EXOC4: variants seen among roughly 807,000 people sequenced by gnomAD.
EXOC4 encodes SEC8-like 1.
EXOC4 carries 71 observed loss-of-function variants against 107.2 expected under a neutral mutation model. The observed-to-expected ratio is 0.66, with a 90% CI of 0.55 to 0.81. The LOEUF (loss-of-function observed/expected upper bound fraction) is 0.81, where lower values mean the gene tolerates loss of function less well. Among genes scored for constraint, EXOC4 ranks in the 30% least tolerant of loss-of-function variants. The pLI, the probability that EXOC4 is intolerant of heterozygous loss-of-function variation, is 0.00. For synonymous variants in EXOC4, 456 were observed against 441.2 expected (o/e 1.03, Z -0.42); for missense variants, 1,108 against 1,189.6 (o/e 0.93, Z 1.01).
intron 10 of EXOC4, among the ~76,000 whole-genome samples, chr7:133,746,563 G>A (rs1795681789): frequency 6.6e-6 from 1 of 152,136 alleles, no homozygotes; most frequent in African/African-American, 2.4e-5. Context: ...GCCAGTGAGA[G>A]GAATACGTGT....
At chr7:133,493,918 T>A (rs73148995) in intron 9 of EXOC4, among the ~76,000 whole-genome samples, 10,580 of 152,264 alleles carry the variant, frequency 0.069, 424 homozygotes, top group Middle Eastern at 0.11. Flanking sequence ...AACCATTTGG[T>A]CTGCAGTGGC....
intron 12 of EXOC4, among the ~76,000 whole-genome samples, chr7:133,907,155 C>T (rs1204780541): frequency 2.0e-5 from 3 of 152,174 alleles, no homozygotes; most frequent in Non-Finnish European, 4.4e-5. Context: ...TCTCCTAACA[C>T]TGATATATAT....
chr7:133,362,384 A>G (rs951767344), intron 6 of EXOC4, among the ~76,000 whole-genome samples: 10 of 152,096 alleles, frequency 6.6e-5, no homozygotes, highest in African/African-American at 2.4e-4. Context: ...CTGTCATGTA[A>G]TTGTCCATGT....
chr7:133,922,268 A>G (rs1183484136), intron 13 of EXOC4, among the ~76,000 whole-genome samples: 1 of 152,234 alleles, frequency 6.6e-6, no homozygotes, highest in Admixed American at 6.5e-5. Context: ...AACTTTAGCA[A>G]TAAGAACATA....
intron 13 of EXOC4, among the ~76,000 whole-genome samples, chr7:133,932,335 A>G (rs1291802773): frequency 1.3e-5 from 2 of 152,196 alleles, no homozygotes; most frequent in Admixed American, 6.5e-5. Flanking sequence ...CTTAGGAACT[A>G]TTTTGGACAG....
At chr7:133,387,745 G>A (rs1275279542) in intron 7 of EXOC4, among the ~76,000 whole-genome samples, 3 of 152,060 alleles carry the variant, frequency 2.0e-5, no homozygotes, top group Non-Finnish European at 4.4e-5. Context: ...ATCTTGCTGG[G>A]AGCTAAGACA....
intron 10 of EXOC4, among the ~76,000 whole-genome samples, chr7:133,809,894 G>C (rs973941191): frequency 2.6e-5 from 4 of 152,128 alleles, no homozygotes; most frequent in Non-Finnish European, 4.4e-5. Context: ...TCCTGAATTT[G>C]AATATTCTGA....
intron 6 of EXOC4, among the ~76,000 whole-genome samples, chr7:133,363,903 C>G (rs1796188793): frequency 6.6e-6 from 1 of 152,062 alleles, no homozygotes; most frequent in Admixed American, 6.6e-5. Context: ...ACTAACAAAC[C>G]TATGTCAAAA....
At chr7:133,343,558 T>C (rs1795714903) in intron 5 of EXOC4, among the ~76,000 whole-genome samples, 1 of 151,872 alleles carries the variant, frequency 6.6e-6, no homozygotes, top group South Asian at 2.1e-4. Context: ...ATTACAGACA[T>C]GAGCCACGCA....
chr7:133,284,657 G>A (rs1177323384), intron 2 of EXOC4, among the ~76,000 whole-genome samples: 1 of 151,954 alleles, frequency 6.6e-6, no homozygotes, highest in Non-Finnish European at 1.5e-5. Flanking sequence ...TTAGCCTCCC[G>A]AGTAGCTGGG....
chr7:133,310,242 A>G (rs565395617), intron 4 of EXOC4, among the ~76,000 whole-genome samples: 3 of 152,306 alleles, frequency 2.0e-5, no homozygotes, highest in African/African-American at 7.2e-5. Context: ...AGCAGGGGAT[A>G]TGTTCCAAGA....
intron 10 of EXOC4, among the ~76,000 whole-genome samples, chr7:133,772,450 T>G (rs1169296849): frequency 1.3e-5 from 2 of 151,952 alleles, no homozygotes; most frequent in Non-Finnish European, 2.9e-5. Flanking sequence ...TATTCTCACA[T>G]GTGCACCAGC....
At chr7:133,724,406 C>T (rs1190166011) in intron 10 of EXOC4, among the ~76,000 whole-genome samples, 1 of 152,154 alleles carries the variant, frequency 6.6e-6, no homozygotes, top group South Asian at 2.1e-4. Context: ...AACTCGTTTG[C>T]TGGGTGTTTT....
chr7:133,724,856 T>C (rs913339318), intron 10 of EXOC4, among the ~76,000 whole-genome samples: 2 of 152,150 alleles, frequency 1.3e-5, no homozygotes, highest in African/African-American at 2.4e-5. Flanking sequence ...GTGAGGGGAC[T>C]GGTAGGATTA....
intron 10 of EXOC4, among the ~76,000 whole-genome samples, chr7:133,766,108 G>T (rs990320781): frequency 2.6e-5 from 4 of 151,892 alleles, no homozygotes; most frequent in African/African-American, 4.8e-5. Context: ...CCTTCAATAA[G>T]ATTTCTGTTA....
At chr7:133,288,283 C>T (rs1456380405) in intron 2 of EXOC4, among the ~76,000 whole-genome samples, 1 of 152,040 alleles carries the variant, frequency 6.6e-6, no homozygotes, top group Admixed American at 6.5e-5. Flanking sequence ...TCATGTTTTG[C>T]CTATGCTAGT....
intron 17 of EXOC4, among the ~76,000 whole-genome samples, chr7:134,051,265 A>G (rs1313044696): frequency 3.3e-5 from 5 of 152,208 alleles, no homozygotes; most frequent in African/African-American, 9.6e-5. Flanking sequence ...GCAGAGAGAG[A>G]AGAATGGAGG....
At chr7:133,517,314 C>T (rs1358069894) in intron 9 of EXOC4, among the ~76,000 whole-genome samples, 1 of 152,022 alleles carries the variant, frequency 6.6e-6, no homozygotes, top group Non-Finnish European at 1.5e-5. Context: ...GTAGTACCTG[C>T]TACTATCAAT....
At chr7:134,035,372 T>C (rs6978605) in intron 17 of EXOC4, among the ~76,000 whole-genome samples, 79,969 of 152,004 alleles carry the variant, frequency 0.53, 21,874 homozygotes, top group African/African-American at 0.66. Flanking sequence ...GGGTCATTAA[T>C]AGTGTCATCG....
Sources: allele counts gnomAD v4.1 joint callset (sites outside exome capture counted in the v4.1 genomes callset), GRCh38; gene constraint gnomAD v4.1.1; transcripts MANE v1.5; gene names NCBI Gene and HGNC (gene_info 2026-07-23, HGNC 2026-07-21).